Variants in NKAIN2 observed in about 807,000 individuals in gnomAD.
The protein encoded by NKAIN2 is sodium/potassium transporting ATPase interacting 2.
Under a neutral mutation model 32.6 loss-of-function variants are expected in NKAIN2, and 14 were observed. That is an observed-to-expected ratio of 0.43 (90% CI 0.28 to 0.67). The LOEUF (loss-of-function observed/expected upper bound fraction) is 0.67. Among genes scored for constraint, NKAIN2 ranks in the 30% least tolerant of loss-of-function variants. The probability of loss-of-function intolerance (pLI) is 0.17; values close to 1 mark genes in which losing one functional copy is unlikely to be tolerated. For missense variants in NKAIN2, 198 were observed against 258.3 expected, an observed-to-expected ratio of 0.77 and a Z score of 1.60; for synonymous variants, 80 against 87.2, an observed-to-expected ratio of 0.92 and a Z score of 0.46.
intron 1 of NKAIN2, among the ~76,000 whole-genome samples, chr6:123,877,222 A>G (rs1359949182): frequency 2.0e-5 from 3 of 152,224 alleles, no homozygotes; most frequent in Non-Finnish European, 4.4e-5. Context: ...AAGTGCATTT[A>G]AAATCAAGTG....
intron 1 of NKAIN2, among the ~76,000 whole-genome samples, chr6:124,057,055 TC>T (rs1782687952): frequency 6.6e-6 from 1 of 152,096 alleles, no homozygotes; most frequent in African/African-American, 2.4e-5. Context: ...CAGTTAACCA[TC>T]CATCATGTTC....
intron 1 of NKAIN2, among the ~76,000 whole-genome samples, chr6:124,138,095 A>T (rs1262357067): frequency 6.6e-6 from 1 of 152,222 alleles, no homozygotes; most frequent in South Asian, 2.1e-4. Flanking sequence ...ATATCTGCAA[A>T]CTATGCATCC....
At chr6:124,555,983 A>G (rs1487324307) in intron 3 of NKAIN2, among the ~76,000 whole-genome samples, 1 of 151,852 alleles carries the variant, frequency 6.6e-6, no homozygotes, top group African/African-American at 2.4e-5. Context: ...TTACTGAGTT[A>G]TTGAAATGGT....
At chr6:124,612,543 G>A (rs1782732600) in intron 3 of NKAIN2, among the ~76,000 whole-genome samples, 1 of 152,128 alleles carries the variant, frequency 6.6e-6, no homozygotes, top group Admixed American at 6.6e-5. Context: ...CTGTAAGGTG[G>A]CAGAAAATAG....
chr6:124,402,752 GA>G (rs1237979004), intron 3 of NKAIN2, among the ~76,000 whole-genome samples: 4 of 152,114 alleles, frequency 2.6e-5, no homozygotes, highest in Non-Finnish European at 4.4e-5. Context: ...GCTAAATATT[GA>G]GTACCTATAG....
At chr6:124,694,788 A>AT (rs377283482) in intron 4 of NKAIN2, among the ~76,000 whole-genome samples, 2 of 152,158 alleles carry the variant, frequency 1.3e-5, no homozygotes, top group Non-Finnish European at 2.9e-5. Flanking sequence ...CATGAAATTG[A>AT]TTTTTTTACC....
rs149681065 is a variant in NKAIN2, at chr6:124,589,145, A to G, written c.274-69041A>G. On this transcript the variant is annotated intron_variant, in intron 3 of 6. Coordinates refer to ENST00000368417, the MANE Select transcript of NKAIN2 (RefSeq NM_001040214.3). ...CATTTTATAAATCAATATGAAAGAA[A>G]CAGAAATTGTGCAAAAAATATGTAT... Among the ~76,000 whole-genome samples, 37 of 152,298 alleles carry G rather than the reference A, an allele frequency of 2.4e-4. No individual in the cohort carries two copies. In the East Asian group the frequency reaches 7.1e-3, roughly 29 times the overall value.
At chr6:124,214,466 G>T (rs917932313) in intron 1 of NKAIN2, among the ~76,000 whole-genome samples, 1 of 152,010 alleles carries the variant, frequency 6.6e-6, no homozygotes, top group African/African-American at 2.4e-5. Flanking sequence ...GTCAAAACTT[G>T]TGGCGGGTGT....
At chr6:124,280,313 A>G (rs1795232768) in intron 1 of NKAIN2, among the ~76,000 whole-genome samples, 1 of 152,206 alleles carries the variant, frequency 6.6e-6, no homozygotes. Context: ...GTATGATCAG[A>G]GAGATTCTAT....
At chr6:124,053,474 C>T (rs901221194) in intron 1 of NKAIN2, among the ~76,000 whole-genome samples, 3 of 152,066 alleles carry the variant, frequency 2.0e-5, no homozygotes, top group African/African-American at 7.2e-5. Context: ...TTTGCTATAC[C>T]TCCATAGGCA....
chr6:124,156,342 C>T (rs1394662660), intron 1 of NKAIN2, among the ~76,000 whole-genome samples: 1 of 152,108 alleles, frequency 6.6e-6, no homozygotes. Flanking sequence ...TTATTGAGCA[C>T]CTTCCCTAGA....
intron 1 of NKAIN2, among the ~76,000 whole-genome samples, chr6:124,038,104 G>T (rs1781687630): frequency 6.6e-6 from 1 of 152,094 alleles, no homozygotes; most frequent in African/African-American, 2.4e-5. Flanking sequence ...TGGAATCGAG[G>T]ATAGTAAAAA....
intron 3 of NKAIN2, among the ~76,000 whole-genome samples, chr6:124,412,440 T>C (rs539148570): frequency 2.9e-4 from 44 of 152,328 alleles, no homozygotes; most frequent in Non-Finnish European, 5.7e-4. Flanking sequence ...GGAGGTCCAC[T>C]CTAGACCCTG....
Position 124,296,947 on chromosome 6 carries a change from C to G in NKAIN2, c.192+13805C>G, listed in dbSNP as rs143206610. 2.6e-5 allele frequency among the ~76,000 whole-genome samples: 4 copies of G among 152,304 alleles called. No homozygotes were observed. In the East Asian group the frequency reaches 7.7e-4, roughly 29 times the overall value. ...CTTCAGCATGTGTTTTGGACTAGAT[C>G]AGTCAAACCAGCACTAAGACACTGA... On this transcript the variant is annotated intron_variant, in intron 2 of 6. Coordinates refer to ENST00000368417, the MANE Select transcript of NKAIN2 (RefSeq NM_001040214.3).
chr6:124,718,385 T>C (rs1350094150), intron 4 of NKAIN2, among the ~76,000 whole-genome samples: 1 of 152,210 alleles, frequency 6.6e-6, no homozygotes, highest in Non-Finnish European at 1.5e-5. Flanking sequence ...TCAAAGTTCA[T>C]TCATGTCATA....
At chr6:124,686,706 C>T (rs1158118044) in intron 4 of NKAIN2, among the ~76,000 whole-genome samples, 1 of 152,090 alleles carries the variant, frequency 6.6e-6, no homozygotes, top group Non-Finnish European at 1.5e-5. Context: ...CATCCTATCC[C>T]CTTTTCTGTG....
chr6:124,669,766 C>G (rs1005221025), intron 4 of NKAIN2, among the ~76,000 whole-genome samples: 1 of 152,110 alleles, frequency 6.6e-6, no homozygotes, highest in African/African-American at 2.4e-5. Context: ...CTTTCAGAAT[C>G]TAATCATTCT....
chr6:124,240,317 C>T (rs977042758), intron 1 of NKAIN2, among the ~76,000 whole-genome samples: 1 of 152,080 alleles, frequency 6.6e-6, no homozygotes, highest in Non-Finnish European at 1.5e-5. Flanking sequence ...ACCAGAGGTA[C>T]AAAGAGAAGC....
At chr6:124,155,437 A>T (rs1391594605) in intron 1 of NKAIN2, among the ~76,000 whole-genome samples, 1 of 152,108 alleles carries the variant, frequency 6.6e-6, no homozygotes, top group Non-Finnish European at 1.5e-5. Flanking sequence ...TATAATTATT[A>T]TATGTCAATT....
Sources: gnomAD v4.1 joint callset for allele counts (sites outside exome capture counted in the v4.1 genomes callset) on GRCh38, gnomAD v4.1.1 for gene constraint, MANE v1.5 for transcripts, NCBI Gene and HGNC (gene_info 2026-07-23, HGNC 2026-07-21) for gene names.